NKAIN2: variants seen among roughly 807,000 people sequenced by gnomAD.
NKAIN2 encodes sodium/potassium-transporting ATPase subunit beta-1-interacting protein 2.
In NKAIN2, 14 loss-of-function variants were observed where a neutral mutation model predicts 32.6. The observed-to-expected ratio is 0.43, with a 90% confidence interval of 0.28 to 0.67. The LOEUF is 0.67. NKAIN2 is among the 30% of genes least tolerant of loss of function. The probability of loss-of-function intolerance (pLI) is 0.17; values close to 1 mark genes in which losing one functional copy is unlikely to be tolerated. For missense variants in NKAIN2, 198 were observed against 258.3 expected, an observed-to-expected ratio of 0.77 and a Z score of 1.60; for synonymous variants, 80 against 87.2, an observed-to-expected ratio of 0.92 and a Z score of 0.46.
At chr6:124,486,806 G>A (rs758103996) in intron 3 of NKAIN2, among the ~76,000 whole-genome samples, 78 of 151,758 alleles carry the variant, frequency 5.1e-4, no homozygotes, top group Non-Finnish European at 9.4e-4. Flanking sequence ...CTCACTGTGC[G>A]CGGCCTTCAG....
At position 124,742,732 on chromosome 6, in the gene NKAIN2, T is replaced by C. The variant is rs573694337; in HGVS notation, c.475-48607T>C. ...ACATCCCCTCCCTAGAAAGTTACAC[T>C]GTGGATCCCAGGTGAGTCTCTTTTC... On this transcript the variant is annotated intron_variant, in intron 4 of 6. Coordinates refer to ENST00000368417, the MANE Select transcript of NKAIN2 (RefSeq NM_001040214.3). Among the ~76,000 whole-genome samples, 64 of 151,902 alleles carry C rather than the reference T, an allele frequency of 4.2e-4. No individual in the cohort carries two copies. The South Asian group carries it at 1.0e-2, about 24-fold the overall frequency.
In NKAIN2 at chr6:124,650,927, C is replaced by T. The variant is rs12528492; in HGVS notation, c.274-7259C>T. Among the ~76,000 whole-genome samples, 942 of 152,254 alleles carry T rather than the reference C, an allele frequency of 6.2e-3. 27 individuals are homozygous for T. Among genetic ancestry groups the T allele is most frequent in the Admixed American group, 0.043 (654 of 15,300 alleles). On this transcript the variant is annotated intron_variant, in intron 3 of 6. Coordinates refer to ENST00000368417, the MANE Select transcript of NKAIN2 (RefSeq NM_001040214.3). Reference sequence around the variant, plus strand: ...TCAGATATGGATGAGACTCAAAGCACAATTCTTCCTGAGGCAAATTCCCTC... The same window carrying T: ...TCAGATATGGATGAGACTCAAAGCATAATTCTTCCTGAGGCAAATTCCCTC...
intron 4 of NKAIN2, among the ~76,000 whole-genome samples, chr6:124,787,078 C>G (rs1476072652): frequency 6.6e-6 from 1 of 152,028 alleles, no homozygotes; most frequent in Non-Finnish European, 1.5e-5. Flanking sequence ...CTCTCAAGGT[C>G]TATCTCAAAA....
At chr6:124,163,438 G>C (rs1017933550) in intron 1 of NKAIN2, among the ~76,000 whole-genome samples, 17 of 152,012 alleles carry the variant, frequency 1.1e-4, no homozygotes, top group African/African-American at 3.9e-4. Context: ...TTTTATTATA[G>C]ATGTGGAAAT....
intron 1 of NKAIN2, among the ~76,000 whole-genome samples, chr6:123,917,052 G>A (rs990961462): frequency 5.9e-5 from 9 of 152,068 alleles, no homozygotes; most frequent in African/African-American, 1.7e-4. Flanking sequence ...GAAGATAGGC[G>A]CACCACCATA....
At chr6:124,716,805 T>G (rs1775779959) in intron 4 of NKAIN2, among the ~76,000 whole-genome samples, 1 of 42,826 alleles carries the variant, frequency 2.3e-5, no homozygotes, top group Admixed American at 2.1e-4. Flanking sequence ...TTTACTAATT[T>G]TTCTTGTTTA....
At chr6:123,835,984 A>C (rs1774602490) in intron 1 of NKAIN2, among the ~76,000 whole-genome samples, 1 of 152,120 alleles carries the variant, frequency 6.6e-6, no homozygotes, top group Admixed American at 6.6e-5. Context: ...TATTATTGGA[A>C]AGTCAAAATG....
intron 1 of NKAIN2, among the ~76,000 whole-genome samples, chr6:124,143,475 A>T (rs1053160207): frequency 6.7e-6 from 1 of 149,000 alleles, no homozygotes; most frequent in African/African-American, 2.4e-5. Flanking sequence ...AAAAAAGAAG[A>T]AAAAAGTATC....
At chr6:124,117,859 A>T (rs1562367870) in intron 1 of NKAIN2, among the ~76,000 whole-genome samples, 1 of 151,404 alleles carries the variant, frequency 6.6e-6, no homozygotes, top group African/African-American at 2.4e-5. Flanking sequence ...ATAACATCAC[A>T]TTGAGTAAAC....
intron 1 of NKAIN2, among the ~76,000 whole-genome samples, chr6:124,205,592 C>T (rs1441003249): frequency 1.3e-5 from 2 of 151,420 alleles, no homozygotes; most frequent in African/African-American, 4.8e-5. Context: ...TTAGAGTCTG[C>T]ATATAAACAA....
intron 3 of NKAIN2, among the ~76,000 whole-genome samples, chr6:124,567,749 T>C (rs867371543): frequency 1.3e-5 from 2 of 152,242 alleles, no homozygotes; most frequent in African/African-American, 4.8e-5. Context: ...AAAGTAAATA[T>C]GTTGGGCTTT....
intron 2 of NKAIN2, among the ~76,000 whole-genome samples, chr6:124,313,958 T>A (rs1796829279): frequency 6.6e-6 from 1 of 152,080 alleles, no homozygotes; most frequent in South Asian, 2.1e-4. Flanking sequence ...TTATCTCAGA[T>A]CTCTGCAAGG....
chr6:124,792,204 T>C (rs1779777205), intron 5 of NKAIN2, among the ~76,000 whole-genome samples: 1 of 152,120 alleles, frequency 6.6e-6, no homozygotes, highest in African/African-American at 2.4e-5. Context: ...TTTCTTGGTT[T>C]CAAAAAATAT....
At chr6:124,627,459 C>G (rs1374215687) in intron 3 of NKAIN2, among the ~76,000 whole-genome samples, 1 of 152,104 alleles carries the variant, frequency 6.6e-6, no homozygotes, top group Admixed American at 6.6e-5. Flanking sequence ...ATAGGATGTT[C>G]AAGCCTGCTC....
At chr6:123,930,940 G>T (rs934324399) in intron 1 of NKAIN2, among the ~76,000 whole-genome samples, 1 of 152,046 alleles carries the variant, frequency 6.6e-6, no homozygotes, top group African/African-American at 2.4e-5. Flanking sequence ...TGATTATTCT[G>T]GACAGTCATA....
At chr6:123,819,988 G>A (rs1353972853) in intron 1 of NKAIN2, among the ~76,000 whole-genome samples, 2 of 152,172 alleles carry the variant, frequency 1.3e-5, no homozygotes, top group Admixed American at 1.3e-4. Flanking sequence ...AAAAAAGGTA[G>A]ATAAAATTCT....
rs150622021 is a variant in NKAIN2, at chr6:124,297,698, C to G, written c.192+14556C>G. On this transcript the variant is annotated intron_variant, in intron 2 of 6. Transcript: ENST00000368417. ...GAGAGCCTCAGAACTGAGCTGTTTC[C>G]GAGTCGGCCATCTTGGCCCCGCCCC... 1.5e-3 allele frequency among the ~76,000 whole-genome samples: 208 copies of G among 139,730 alleles called. 3 individuals carry two copies. The highest frequency in any genetic ancestry group is 7.2e-3 in the Middle Eastern group (2 of 278). 91.7% of individuals were successfully genotyped at this position (139,730 alleles called of 152,430 possible).
intron 3 of NKAIN2, among the ~76,000 whole-genome samples, chr6:124,410,108 T>C (rs1260814001): frequency 4.6e-5 from 7 of 152,152 alleles, no homozygotes; most frequent in South Asian, 2.1e-4. Flanking sequence ...GTCTTGCTAG[T>C]GGTCTATCAA....
chr6:124,006,358 GA>G (rs1195136435), intron 1 of NKAIN2, among the ~76,000 whole-genome samples: 1 of 152,114 alleles, frequency 6.6e-6, no homozygotes, highest in Non-Finnish European at 1.5e-5. Context: ...TGTTTTACTG[GA>G]AAAAAGCTGG....
Sources: allele counts gnomAD v4.1 joint callset (sites outside exome capture counted in the v4.1 genomes callset), GRCh38; gene constraint gnomAD v4.1.1; transcripts MANE v1.5; gene names NCBI Gene and HGNC (gene_info 2026-07-23, HGNC 2026-07-21).